KCNQ3: variants seen among roughly 807,000 people sequenced by gnomAD.
KCNQ3 encodes the protein potassium voltage-gated channel subfamily KQT member 3.
A neutral mutation model predicts 92.5 loss-of-function variants in KCNQ3; 30 were observed. That is an observed-to-expected ratio of 0.32 (90% confidence interval 0.24 to 0.44). KCNQ3 has a LOEUF of 0.44. Ranked by LOEUF, KCNQ3 falls within the 20% of genes least tolerant of loss-of-function variation. The pLI, the probability that KCNQ3 is intolerant of heterozygous loss-of-function variation, is 1.00. For synonymous variants in KCNQ3, 450 were observed against 468.8 expected (o/e 0.96, Z 0.52); for missense variants, 913 against 1,140.3 (o/e 0.80, Z 2.87).
chr8:132,385,554 T>C (rs975565031), intron 1 of KCNQ3, among the ~76,000 whole-genome samples: 2 of 152,044 alleles, frequency 1.3e-5, no homozygotes, highest in Non-Finnish European at 2.9e-5. Flanking sequence ...ATCTTGAGAG[T>C]GGGCTTGTTA....
intron 1 of KCNQ3, among the ~76,000 whole-genome samples, chr8:132,219,099 A>T (rs1239423859): frequency 6.6e-6 from 1 of 152,234 alleles, no homozygotes; most frequent in Non-Finnish European, 1.5e-5. Flanking sequence ...GCTAAGGTCA[A>T]TACCGGCAAA....
At chr8:132,229,248 G>T (rs1318840158) in intron 1 of KCNQ3, among the ~76,000 whole-genome samples, 1 of 142,486 alleles carries the variant, frequency 7.0e-6, no homozygotes, top group African/African-American at 2.6e-5. Context: ...GTGACAGAGT[G>T]AGACTCCGTC....
At chr8:132,141,372 G>T in intron 9 of KCNQ3, 41 bp from the exon 10 acceptor site, 5 of 1,566,732 alleles carry the variant, frequency 3.2e-6, no homozygotes, top group South Asian at 1.1e-5. Flanking sequence ...CTCCTTCAGT[G>T]CAGGCTCTTA....
chr8:132,474,460 A>G (rs1243029901), intron 1 of KCNQ3, among the ~76,000 whole-genome samples: 1 of 152,084 alleles, frequency 6.6e-6, no homozygotes, highest in African/African-American at 2.4e-5. Context: ...AGAAGTGATC[A>G]CCCTCACTCA....
chr8:132,453,795 C>T (rs1266427203), intron 1 of KCNQ3, among the ~76,000 whole-genome samples: 1 of 152,264 alleles, frequency 6.6e-6, no homozygotes, highest in East Asian at 1.9e-4. Context: ...GGGGGAACAG[C>T]AGTGGGGCTG....
At chr8:132,238,263 AAGACAAAG>A (rs1814879603) in intron 1 of KCNQ3, among the ~76,000 whole-genome samples, 2 of 152,144 alleles carry the variant, frequency 1.3e-5, no homozygotes, top group Admixed American at 6.6e-5. Flanking sequence ...CTAGATAAGC[AAGACAAAG>A]AGACAAAGAC....
At chr8:132,401,438 C>A (rs541798071) in intron 1 of KCNQ3, among the ~76,000 whole-genome samples, 55 of 152,066 alleles carry the variant, frequency 3.6e-4, no homozygotes, top group African/African-American at 1.3e-3. Context: ...TGCAGTGGCA[C>A]GATCTTGGCT....
chr8:132,342,306 TTTC>T (rs1286730570), intron 1 of KCNQ3, among the ~76,000 whole-genome samples: 2 of 146,396 alleles, frequency 1.4e-5, no homozygotes, highest in African/African-American at 2.6e-5. Flanking sequence ...CATCCATTGA[TTTC>T]TTTTTTCTTT....
intron 1 of KCNQ3, among the ~76,000 whole-genome samples, chr8:132,368,583 G>A (rs969099012): frequency 6.6e-6 from 1 of 151,980 alleles, no homozygotes; most frequent in Non-Finnish European, 1.5e-5. Context: ...GGCCCCGGGG[G>A]TCAAGGCTGC....
chr8:132,278,312 A>G, intron 1 of KCNQ3: 1 of 560,158 alleles, frequency 1.8e-6, no homozygotes, highest in Non-Finnish European at 2.3e-6. Flanking sequence ...AAGGAAAAAA[A>G]AAGAAGAAAA....
At position 132,180,631 on chromosome 8, in the gene KCNQ3, G is replaced by A. The variant is rs76474027; in HGVS notation, c.605-302C>T. Reference sequence around the variant, plus strand: ...GAGCAGCAATTTACCAAGGCCCCCCGCAGTGTGGTCCTTGAGATTCACTCT... The same window carrying A: ...GAGCAGCAATTTACCAAGGCCCCCCACAGTGTGGTCCTTGAGATTCACTCT... On this transcript the variant is annotated intron_variant, in intron 3 of 14. Coordinates refer to ENST00000388996, the MANE Select transcript of KCNQ3 (RefSeq NM_004519.4). 0.051 allele frequency among the ~76,000 whole-genome samples: 7,760 copies of A among 152,120 alleles called. 313 individuals are homozygous for A. The highest frequency in any genetic ancestry group is 0.074 in the Non-Finnish European group (5,025 of 67,994).
At position 132,279,641 on chromosome 8, in the gene KCNQ3, A is replaced by G. The variant is rs74323931; in HGVS notation, c.387-93460T>C. On this transcript the variant is annotated intron_variant, in intron 1 of 14. Coordinates refer to ENST00000388996, the MANE Select transcript of KCNQ3 (RefSeq NM_004519.4). ...TATATATTTTTTCTTAGAAGCCATG[A>G]TCACACACATCAACAGATACACACG... Among the ~76,000 whole-genome samples the G allele has an allele frequency of 9.8e-5, 15 of 152,336 alleles. No individual in the cohort carries two copies. In the East Asian group the frequency reaches 2.5e-3, roughly 25 times the overall value.
intron 1 of KCNQ3, among the ~76,000 whole-genome samples, chr8:132,227,032 T>A (rs974222780): frequency 6.6e-5 from 10 of 151,256 alleles, no homozygotes; most frequent in Non-Finnish European, 1.0e-4. Flanking sequence ...AGACAATATA[T>A]AATTAAGTAC....
intron 1 of KCNQ3, among the ~76,000 whole-genome samples, chr8:132,228,805 C>G (rs1474850153): frequency 6.7e-6 from 1 of 150,352 alleles, no homozygotes; most frequent in Non-Finnish European, 1.5e-5. Flanking sequence ...GAAAGGAGTT[C>G]TATGAGATAG....
At chr8:132,408,729 G>A (rs545385650) in intron 1 of KCNQ3, among the ~76,000 whole-genome samples, 24 of 152,324 alleles carry the variant, frequency 1.6e-4, no homozygotes, top group Admixed American at 2.6e-4. Context: ...GAGTCAAAAC[G>A]TTGGGGAGCA....
At chr8:132,332,462 C>T (rs6471060) in intron 1 of KCNQ3, among the ~76,000 whole-genome samples, 64,285 of 152,062 alleles carry the variant, frequency 0.42, 13,942 homozygotes, top group Non-Finnish European at 0.48. Context: ...ACCTCTACCC[C>T]GAGCACTAGT....
chr8:132,434,139 C>T (rs1213120483), intron 1 of KCNQ3, among the ~76,000 whole-genome samples: 4 of 146,250 alleles, frequency 2.7e-5, no homozygotes, highest in South Asian at 4.3e-4. Context: ...ACCCGGGAGG[C>T]GGAGCTTGCA....
chr8:132,190,358 G>T (rs1446495047), intron 1 of KCNQ3, among the ~76,000 whole-genome samples: 1 of 151,978 alleles, frequency 6.6e-6, no homozygotes, highest in African/African-American at 2.4e-5. Context: ...ACTACTCTGT[G>T]TATTTTTTTT....
At chr8:132,373,768 C>T (rs769961753) in intron 1 of KCNQ3, among the ~76,000 whole-genome samples, 19 of 152,148 alleles carry the variant, frequency 1.2e-4, no homozygotes, top group African/African-American at 4.1e-4. Flanking sequence ...TGAGCTCTGC[C>T]GAACGACTAC....
Sources: gnomAD v4.1 joint callset for allele counts (sites outside exome capture counted in the v4.1 genomes callset) on GRCh38, gnomAD v4.1.1 for gene constraint, MANE v1.5 for transcripts, NCBI Gene and HGNC (gene_info 2026-07-23, HGNC 2026-07-21) for gene names.